Variants in SYT10 observed in about 807,000 individuals in gnomAD.
SYT10 encodes the protein synaptotagmin 10, also known as synaptotagmin-10.
In SYT10, 31 loss-of-function variants were observed where a neutral mutation model predicts 51.1. The observed-to-expected ratio is 0.61, with a 90% CI of 0.46 to 0.82. The LOEUF is 0.82. Among genes scored for constraint, SYT10 ranks in the 40% least tolerant of loss-of-function variants. SYT10 has a pLI of 0.00. For missense variants in SYT10, 603 were observed against 634.0 expected, an observed-to-expected ratio of 0.95 and a Z score of 0.53; for synonymous variants, 233 against 225.9, an observed-to-expected ratio of 1.03 and a Z score of -0.28.
chr12:33,378,714 A>G (rs1462099182), intron 6 of SYT10, among the ~76,000 whole-genome samples: 1 of 152,140 alleles, frequency 6.6e-6, no homozygotes, highest in Non-Finnish European at 1.5e-5. Flanking sequence ...GACAACATCC[A>G]CTGTTGAAAC....
chr12:33,404,789 T>G (rs1423169383), intron 3 of SYT10: 1 of 152,214 alleles, frequency 6.6e-6, no homozygotes, highest in African/African-American at 2.4e-5. Flanking sequence ...CTGTAAAAGA[T>G]TTCTAACCAA....
At chr12:33,426,789 T>C (rs539239060) in intron 1 of SYT10, among the ~76,000 whole-genome samples, 2 of 152,282 alleles carry the variant, frequency 1.3e-5, no homozygotes, top group Admixed American at 6.5e-5. Flanking sequence ...CAAACAAGGA[T>C]TGAAAAACTG....
intron 3 of SYT10, among the ~76,000 whole-genome samples, chr12:33,406,471 A>T (rs959476434): frequency 6.6e-6 from 1 of 152,168 alleles, no homozygotes; most frequent in African/African-American, 2.4e-5. Flanking sequence ...AATGAAAGTC[A>T]ATACTAACTG....
At chr12:33,404,882 T>C (rs1356341213) in intron 3 of SYT10, 1 of 151,846 alleles carries the variant, frequency 6.6e-6, no homozygotes, top group African/African-American at 2.4e-5. Context: ...TATGGGAGAG[T>C]TGCAAATAAA....
At chr12:33,409,564 AGTGCAGTGGCGTGAT>A (rs1261831184) in intron 2 of SYT10, among the ~76,000 whole-genome samples, 2 of 150,020 alleles carry the variant, frequency 1.3e-5, no homozygotes, top group Admixed American at 1.3e-4. Context: ...CCCAGGCTGG[AGTGCAGTGGCGTGAT>A]CTCGGCTCAC....
chr12:33,389,163 CAT>C (rs1866182631), intron 3 of SYT10, among the ~76,000 whole-genome samples: 1 of 152,066 alleles, frequency 6.6e-6, no homozygotes, highest in Admixed American at 6.5e-5. Flanking sequence ...AGTTTGGAAA[CAT>C]GTTAGAGGAG....
intron 3 of SYT10, among the ~76,000 whole-genome samples, chr12:33,392,092 AC>A (rs1168841092): frequency 6.6e-6 from 1 of 152,250 alleles, no homozygotes; most frequent in Non-Finnish European, 1.5e-5. Flanking sequence ...TTGGAGAGCT[AC>A]AGTTAGAGGA....
In SYT10 at chr12:33,376,797, G is replaced by A. The variant is rs11052655; in HGVS notation, c.*33C>T. On this transcript the variant is annotated 3_prime_UTR_variant, in exon 7 of 7. Coordinates refer to ENST00000228567, the MANE Select transcript of SYT10 (RefSeq NM_198992.4). ...CTGATTCAATGAGCACGTGATCCTA[G>A]ATGCTTAATATCATGGTCTCATTTT... is the stretch of plus-strand genomic sequence containing the variant. 6.2e-7 allele frequency: 1 copy of A among 1,611,644 alleles called. No individual in the cohort carries two copies. Among genetic ancestry groups the A allele is most frequent in the Non-Finnish European group, 8.5e-7 (1 of 1,177,834 alleles).
chr12:33,439,564 C>G lies in SYT10; in HGVS notation c.-42G>C, dbSNP rs765958445. The stretch of plus-strand genomic sequence containing the variant: ...CGTTTTCTCTTTTTTTCCCAGTTAG[C>G]CGTCTTTTCCTCTTCCCGTACCTCT... On this transcript the variant is annotated 5_prime_UTR_variant, in exon 1 of 7. Coordinates refer to ENST00000228567, the MANE Select transcript of SYT10 (RefSeq NM_198992.4). 1.1e-5 allele frequency: 18 copies of G among 1,600,578 alleles called. No homozygotes were observed. In the African/African-American group the frequency reaches 2.4e-4, roughly 21 times the overall value.
chr12:33,385,427 T>A, intron 3 of SYT10, 136 bp from the exon 4 acceptor site: 5 of 1,269,166 alleles, frequency 3.9e-6, no homozygotes, highest in Non-Finnish European at 5.3e-6. Flanking sequence ...GCAAGAAAGC[T>A]ATTCTGAATG....
intron 6 of SYT10, among the ~76,000 whole-genome samples, chr12:33,377,936 C>T (rs1355517884): frequency 2.0e-5 from 3 of 152,026 alleles, no homozygotes; most frequent in Admixed American, 6.6e-5. Context: ...TTGAGGAACC[C>T]GATTTTCTAC....
chr12:33,404,696 G>A (rs1866336687), intron 3 of SYT10, among the ~76,000 whole-genome samples: 1 of 152,088 alleles, frequency 6.6e-6, no homozygotes, highest in Non-Finnish European at 1.5e-5. Flanking sequence ...CTGGCCCCAT[G>A]TTAGGTTTCT....
At chr12:33,387,754 T>G (rs11052671) in intron 3 of SYT10, among the ~76,000 whole-genome samples, 12 of 94,134 alleles carry the variant, frequency 1.3e-4, no homozygotes, top group Non-Finnish European at 1.2e-4. Context: ...CATGTTTTTT[T>G]TTTTTTTTTT....
Position 33,407,356 on chromosome 12 carries a change from G to A in SYT10, c.510C>T (p.Arg170=). 1 of 1,601,878 alleles carries A rather than the reference G, an allele frequency of 6.2e-7. No individual in the cohort carries two copies. Among genetic ancestry groups the A allele is most frequent in the South Asian group, 1.1e-5 (1 of 91,022 alleles). The change falls in exon 3 of 7, where the codon CGC becomes CGT. Residue 170 remains arginine (R), a splice_region_variant and synonymous_variant. Coordinates refer to ENST00000228567, the MANE Select transcript of SYT10 (RefSeq NM_198992.4). ...GCAGGTGTCTTCGGAAGGAACTGTGGCTGAACACACACACATATACACAAA... is the reference window on the plus strand; with the variant it reads ...GCAGGTGTCTTCGGAAGGAACTGTGACTGAACACACACACATATACACAAA... The part of the protein sequence containing the change: ...RQITEPTSST[R]HSSFRRHLPR...
rs1866365618 is a variant in SYT10 at position 33,407,272 on chromosome 12, T to C, written c.594A>G (p.Gln198=). ...CAATGCTGGTTGTTGTTTCTCCTCGTTGTAAAACAGGTTCTGTGCCCATGC... is the reference window on the plus strand; with the variant it reads ...CAATGCTGGTTGTTGTTTCTCCTCGCTGTAAAACAGGTTCTGTGCCCATGC... ...DFSMGTEPVL[Q]RGETTTSIGR... The change falls in exon 3 of 7, where the codon CAA becomes CAG. Residue 198 remains glutamine (Q), a synonymous_variant. Coordinates refer to ENST00000228567, the MANE Select transcript of SYT10 (RefSeq NM_198992.4). The C allele has an allele frequency of 6.2e-7, 1 of 1,613,652 alleles. No individual in the cohort carries two copies. The highest frequency in any genetic ancestry group is 8.5e-7 in the Non-Finnish European group (1 of 1,180,048).
chr12:33,424,358 C>A (rs1382457268), intron 2 of SYT10, among the ~76,000 whole-genome samples: 1 of 152,072 alleles, frequency 6.6e-6, no homozygotes, highest in Admixed American at 6.6e-5. Context: ...AATTTGTCTT[C>A]ATTGAGTATC....
chr12:33,439,255 G>T, intron 1 of SYT10, 117 bp downstream of exon 1: 2 of 1,330,362 alleles, frequency 1.5e-6, no homozygotes, highest in Non-Finnish European at 2.0e-6. Context: ...GTAGGAAAGC[G>T]TGGCGCCCCA....
chr12:33,382,384 C>T lies in SYT10; in HGVS notation c.1335G>A (p.Gln445=). Residue 445 remains glutamine, a synonymous_variant, in exon 5 of 7, where the codon CAG becomes CAA. Transcript: ENST00000228567. The part of the protein sequence containing the change: ...IFDIPPENVD[Q]VSLSIAVMDY... Reference sequence around the variant, plus strand: ...CCATGACCGCAATGGAGAGGCTGACCTGGTCCACGTTCTCTGGAGGGATGT... The same window carrying T: ...CCATGACCGCAATGGAGAGGCTGACTTGGTCCACGTTCTCTGGAGGGATGT... 2 of 1,611,932 alleles carry T rather than the reference C, an allele frequency of 1.2e-6. No individual in the cohort carries two copies. Among genetic ancestry groups the T allele is most frequent in the Non-Finnish European group, 1.7e-6 (2 of 1,178,952 alleles).
intron 1 of SYT10, among the ~76,000 whole-genome samples, chr12:33,433,695 G>A (rs1866614878): frequency 2.6e-5 from 4 of 152,098 alleles, no homozygotes; most frequent in Admixed American, 2.6e-4. Flanking sequence ...TGTTATATTT[G>A]GATGATAGAA....
Sources: gnomAD v4.1 joint callset for allele counts (sites outside exome capture counted in the v4.1 genomes callset) on GRCh38, gnomAD v4.1.1 for gene constraint, MANE v1.5 for transcripts, NCBI Gene and HGNC (gene_info 2026-07-23, HGNC 2026-07-21) for gene names.